Variants in PDE4B observed in about 807,000 individuals in gnomAD.
PDE4B encodes the protein 3',5'-cyclic-AMP phosphodiesterase 4B.
A neutral mutation model predicts 82.2 loss-of-function variants in PDE4B; 20 were observed. The ratio of observed to expected loss-of-function variants is 0.24; its 90% CI spans 0.17 to 0.35. The LOEUF (loss-of-function observed/expected upper bound fraction) is 0.35. PDE4B is among the 10% of genes least tolerant of loss of function. The pLI, the probability that PDE4B is intolerant of heterozygous loss-of-function variation, is 1.00. For synonymous variants in PDE4B, 320 were observed against 318.9 expected (o/e 1.00, Z -0.04); for missense variants, 655 against 907.2 (o/e 0.72, Z 3.57).
intron 3 of PDE4B, among the ~76,000 whole-genome samples, chr1:66,082,695 T>G (rs1174862652): frequency 1.3e-5 from 2 of 151,702 alleles, no homozygotes; most frequent in Admixed American, 1.3e-4. Context: ...AAAGGCTCAA[T>G]AAATAAATAT....
intron 3 of PDE4B, among the ~76,000 whole-genome samples, chr1:65,965,456 A>G (rs1243839909): frequency 2.0e-5 from 3 of 152,108 alleles, no homozygotes; most frequent in Non-Finnish European, 4.4e-5. Flanking sequence ...GAAGCGATAC[A>G]CATTAGACAC....
intron 3 of PDE4B, among the ~76,000 whole-genome samples, chr1:66,084,826 T>G (rs1466548913): frequency 6.6e-6 from 1 of 152,146 alleles, no homozygotes; most frequent in African/African-American, 2.4e-5. Context: ...TTCTCTCTGC[T>G]GGGAACAAGG....
intron 8 of PDE4B, among the ~76,000 whole-genome samples, chr1:66,350,003 A>C (rs1241913446): frequency 6.6e-6 from 1 of 152,064 alleles, no homozygotes; most frequent in Non-Finnish European, 1.5e-5. Context: ...GCTTAGGGCC[A>C]GAGCTAAGAC....
At chr1:65,961,231 G>T (rs998256836) in intron 3 of PDE4B, among the ~76,000 whole-genome samples, 1 of 151,994 alleles carries the variant, frequency 6.6e-6, no homozygotes, top group Non-Finnish European at 1.5e-5. Flanking sequence ...TTTGAAGAGG[G>T]AAAAAACTGA....
At chr1:66,159,792 G>A (rs956074521) in intron 3 of PDE4B, among the ~76,000 whole-genome samples, 3 of 152,172 alleles carry the variant, frequency 2.0e-5, no homozygotes, top group African/African-American at 7.2e-5. Flanking sequence ...TTCCTGGGAA[G>A]CATTTGAAAT....
chr1:66,259,409 CTGT>C (rs1365024781), intron 6 of PDE4B, among the ~76,000 whole-genome samples: 1 of 152,152 alleles, frequency 6.6e-6, no homozygotes, highest in African/African-American at 2.4e-5. Flanking sequence ...TAATCATGGT[CTGT>C]TGTTCTCTGC....
intron 7 of PDE4B, among the ~76,000 whole-genome samples, chr1:66,303,514 C>T (rs774607374): frequency 1.3e-5 from 2 of 152,010 alleles, no homozygotes; most frequent in Non-Finnish European, 2.9e-5. Flanking sequence ...CTAAAGTCAC[C>T]GTGCTGTGCA....
At chr1:66,129,675 A>C (rs1645898285) in intron 3 of PDE4B, among the ~76,000 whole-genome samples, 1 of 54,384 alleles carries the variant, frequency 1.8e-5, no homozygotes, top group African/African-American at 7.9e-5. Flanking sequence ...AAAAAAAACA[A>C]AAAAACAAAA....
At chr1:66,202,989 T>C (rs923211925) in intron 3 of PDE4B, among the ~76,000 whole-genome samples, 12 of 152,118 alleles carry the variant, frequency 7.9e-5, no homozygotes, top group African/African-American at 2.9e-4. Flanking sequence ...CTGATACCGG[T>C]TGTTCATTTC....
intron 3 of PDE4B, among the ~76,000 whole-genome samples, chr1:66,225,838 C>T (rs548031368): frequency 4.6e-5 from 7 of 152,290 alleles, no homozygotes; most frequent in African/African-American, 1.7e-4. Flanking sequence ...GGATTAGTAA[C>T]TCATCAATAA....
At chr1:66,244,067 T>C (rs1382087029) in intron 3 of PDE4B, among the ~76,000 whole-genome samples, 1 of 152,214 alleles carries the variant, frequency 6.6e-6, no homozygotes, top group Admixed American at 6.5e-5. Context: ...CTCAAAGTTA[T>C]CAACTGCAAC....
At chr1:65,805,837 T>A (rs1184622397) in intron 1 of PDE4B, among the ~76,000 whole-genome samples, 1 of 152,190 alleles carries the variant, frequency 6.6e-6, no homozygotes, top group African/African-American at 2.4e-5. Context: ...CTATTTTGAA[T>A]CTTGATCCTT....
At chr1:65,899,170 A>G (rs1242595137) in intron 1 of PDE4B, among the ~76,000 whole-genome samples, 1 of 152,138 alleles carries the variant, frequency 6.6e-6, no homozygotes, top group African/African-American at 2.4e-5. Context: ...ATGAAGAGAC[A>G]GTTCTCAAAA....
At chr1:66,228,328 C>T (rs1342249809) in intron 3 of PDE4B, among the ~76,000 whole-genome samples, 1 of 152,098 alleles carries the variant, frequency 6.6e-6, no homozygotes, top group Non-Finnish European at 1.5e-5. Context: ...TGACTCAGCC[C>T]CATGACATGC....
intron 7 of PDE4B, among the ~76,000 whole-genome samples, chr1:66,327,614 A>G (rs1289789747): frequency 6.6e-6 from 1 of 152,190 alleles, no homozygotes; most frequent in Non-Finnish European, 1.5e-5. Context: ...AGAATAGGAT[A>G]TTTTTCTTAT....
intron 3 of PDE4B, among the ~76,000 whole-genome samples, chr1:66,073,015 C>CTTT (rs35522900): frequency 2.0e-5 from 3 of 146,966 alleles, no homozygotes; most frequent in African/African-American, 7.5e-5. Context: ...GCCTTTAGCC[C>CTTT]TTTTTTTTTT....
chr1:66,052,158 C>T (rs1163054330), intron 3 of PDE4B, among the ~76,000 whole-genome samples: 2 of 152,176 alleles, frequency 1.3e-5, no homozygotes, highest in Non-Finnish European at 2.9e-5. Context: ...GAGAATACAA[C>T]TGGCATCATA....
At chr1:66,320,101 G>A (rs1326771425) in intron 7 of PDE4B, among the ~76,000 whole-genome samples, 1 of 152,094 alleles carries the variant, frequency 6.6e-6, no homozygotes, top group Non-Finnish European at 1.5e-5. Flanking sequence ...GCTGTCCATT[G>A]CCTTACCTCA....
chr1:66,117,650 C>T (rs1645622796), intron 3 of PDE4B, among the ~76,000 whole-genome samples: 1 of 152,006 alleles, frequency 6.6e-6, no homozygotes, highest in Non-Finnish European at 1.5e-5. Context: ...AGTGAGTACT[C>T]AATTTTTCAT....
Sources: gnomAD v4.1 joint callset for allele counts (sites outside exome capture counted in the v4.1 genomes callset) on GRCh38, gnomAD v4.1.1 for gene constraint, MANE v1.5 for transcripts, NCBI Gene and HGNC (gene_info 2026-07-23, HGNC 2026-07-21) for gene names.